The following SPATA9 variants were observed in gnomAD, a reference collection of about 807,000 sequenced individuals.
SPATA9 encodes the protein spermatogenesis associated 9.
A neutral mutation model predicts 25.5 loss-of-function variants in SPATA9; 27 were observed. The ratio of observed to expected loss-of-function variants is 1.06; its 90% CI spans 0.78 to 1.46. SPATA9 has a LOEUF of 1.46. SPATA9 is among the 40% of genes most tolerant of loss of function. The pLI is 0.00. For synonymous variants in SPATA9, 102 were observed against 105.7 expected (o/e 0.97, Z 0.21); for missense variants, 282 against 297.5 (o/e 0.95, Z 0.38).
the SPATA9 span, among the ~76,000 whole-genome samples, chr5:95,716,123 G>A: frequency 6.6e-6 from 1 of 152,216 alleles, no homozygotes; most frequent in Non-Finnish European, 1.5e-5. Flanking sequence ...TGGGGTGGGA[G>A]CCCCCACACA....
At chr5:95,662,577 C>CT (rs1026891585) in intron 4 of SPATA9, among the ~76,000 whole-genome samples, 4 of 151,960 alleles carry the variant, frequency 2.6e-5, no homozygotes, top group African/African-American at 9.7e-5. Flanking sequence ...GAATTTCTTC[C>CT]TTAAAAGACA....
chr5:95,660,134 G>T (rs537787240), intron 4 of SPATA9, among the ~76,000 whole-genome samples: 1 of 152,174 alleles, frequency 6.6e-6, no homozygotes, highest in African/African-American at 2.4e-5. Context: ...GTTCTGGAGA[G>T]TGGGAAATCC....
At chr5:95,687,139 C>T (rs1283878182), upstream of SPATA9, among the ~76,000 whole-genome samples, 4 of 152,186 alleles carry the variant, frequency 2.6e-5, no homozygotes, top group Non-Finnish European at 5.9e-5. Flanking sequence ...GCAGATGCCA[C>T]TTGCCAGGCT....
chr5:95,669,156 G>A lies in SPATA9; in HGVS notation c.379-5108C>T, dbSNP rs753355976. 2.6e-5 allele frequency among the ~76,000 whole-genome samples: 4 copies of A among 152,188 alleles called. No homozygotes were observed. In the East Asian group the frequency reaches 5.8e-4, roughly 22 times the overall value. ...TTATTAACCCCAGTGTTAACATTCT[G>A]TAGAACATTGTTCTTAAACAAGCTT... On this transcript the variant is annotated intron_variant, in intron 3 of 4. Coordinates refer to ENST00000274432, the MANE Select transcript of SPATA9 (RefSeq NM_031952.4).
At position 95,664,067 on chromosome 5, in the gene SPATA9, T is replaced by G; in HGVS notation, c.379-19A>C. 6.9e-7 allele frequency: 1 copy of G among 1,447,530 alleles called. No individual in the cohort carries two copies. Among genetic ancestry groups the G allele is most frequent in the Non-Finnish European group, 9.4e-7 (1 of 1,066,336 alleles). The allele number at this position is 1,447,530 out of a possible 1,614,324, so 89.7% of individuals were successfully genotyped here. A position where few individuals can be genotyped will look rare whatever the true frequency, so the allele number is the denominator to read the frequency against. ...TTCTGACCTGCAAAAACAGAAAAGATTTTCTTAATAAACAAACATTTTCAG... is the reference window on the plus strand; with the variant it reads ...TTCTGACCTGCAAAAACAGAAAAGAGTTTCTTAATAAACAAACATTTTCAG... On this transcript the variant is annotated intron_variant, in intron 3 of 4. Transcript: ENST00000274432.
the SPATA9 span, among the ~76,000 whole-genome samples, chr5:95,715,526 T>C: frequency 6.6e-6 from 1 of 152,076 alleles, no homozygotes; most frequent in Non-Finnish European, 1.5e-5. Flanking sequence ...ATTCAAACAA[T>C]AGAATATCCA....
At chr5:95,664,261 A>G (rs1751549812) in intron 3 of SPATA9, among the ~76,000 whole-genome samples, 1 of 152,230 alleles carries the variant, frequency 6.6e-6, no homozygotes, top group Admixed American at 6.5e-5. Flanking sequence ...TGACAAATCT[A>G]TAAAAATCTT....
At chr5:95,690,629 G>T (rs1005837728) in intron 1 of SPATA9, among the ~76,000 whole-genome samples, 1 of 152,082 alleles carries the variant, frequency 6.6e-6, no homozygotes, top group Non-Finnish European at 1.5e-5. Flanking sequence ...TCACTAATAT[G>T]GGACAAACAG....
chr5:95,718,207 A>G, the SPATA9 span, among the ~76,000 whole-genome samples: 2 of 152,342 alleles, frequency 1.3e-5, no homozygotes, highest in African/African-American at 4.8e-5. Flanking sequence ...TGGGGAAGAA[A>G]GAATAATAGC....
intron 3 of SPATA9, among the ~76,000 whole-genome samples, chr5:95,674,464 T>C (rs900437827): frequency 1.8e-4 from 28 of 152,194 alleles, no homozygotes; most frequent in African/African-American, 6.8e-4. Context: ...ACACAAGCCA[T>C]GCTCTTGGAA....
chr5:95,709,558 C>T, the SPATA9 span, among the ~76,000 whole-genome samples: 1 of 152,142 alleles, frequency 6.6e-6, no homozygotes, highest in African/African-American at 2.4e-5. Flanking sequence ...CTTACTGACC[C>T]ACCGAGCTAT....
chr5:95,672,141 C>G (rs1752447288), intron 3 of SPATA9, among the ~76,000 whole-genome samples: 1 of 152,070 alleles, frequency 6.6e-6, no homozygotes, highest in Non-Finnish European at 1.5e-5. Context: ...AATACAGAGA[C>G]TGGATATGAG....
chr5:95,667,940 C>T (rs1413395475), intron 3 of SPATA9, among the ~76,000 whole-genome samples: 1 of 152,194 alleles, frequency 6.6e-6, no homozygotes, highest in African/African-American at 2.4e-5. Context: ...ACCTCTCTCT[C>T]TTCCTCCTGT....
At chr5:95,718,642 C>G in the SPATA9 span, among the ~76,000 whole-genome samples, 121 of 152,280 alleles carry the variant, frequency 7.9e-4, no homozygotes, top group Middle Eastern at 3.4e-3. Context: ...TCAATATGCA[C>G]TATTTTGAGA....
the SPATA9 span, among the ~76,000 whole-genome samples, chr5:95,719,343 G>A: frequency 6.6e-6 from 1 of 152,166 alleles, no homozygotes; most frequent in Non-Finnish European, 1.5e-5. Context: ...TACCCAGATT[G>A]GAATTCCAGA....
intron 1 of SPATA9, among the ~76,000 whole-genome samples, chr5:95,697,183 C>T (rs2112712615): frequency 6.6e-6 from 1 of 152,272 alleles, no homozygotes; most frequent in East Asian, 1.9e-4. Context: ...AGGTTGCAGT[C>T]AAACTGTTGG....
At chr5:95,721,161 G>A in the SPATA9 span, among the ~76,000 whole-genome samples, 3 of 152,184 alleles carry the variant, frequency 2.0e-5, no homozygotes, top group African/African-American at 7.2e-5. Flanking sequence ...CACTATTTAC[G>A]TTGCAGCCTG....
the SPATA9 span, among the ~76,000 whole-genome samples, chr5:95,706,072 AC>A: frequency 3.0e-4 from 46 of 152,304 alleles, no homozygotes; most frequent in Non-Finnish European, 5.1e-4. Context: ...CCCAGCAAAA[AC>A]AAAAACCCAT....
intron 2 of SPATA9, among the ~76,000 whole-genome samples, chr5:95,676,776 G>T (rs775022241): frequency 1.9e-4 from 29 of 152,176 alleles, no homozygotes; most frequent in Non-Finnish European, 1.2e-4. Context: ...CAGCCAGAGA[G>T]ATCTAATCAA....
Sources: allele counts gnomAD v4.1 joint callset (sites outside exome capture counted in the v4.1 genomes callset), GRCh38; gene constraint gnomAD v4.1.1; transcripts MANE v1.5; gene names NCBI Gene and HGNC (gene_info 2026-07-23, HGNC 2026-07-21).